NACC2: variants seen among roughly 807,000 people sequenced by gnomAD.
NACC2 encodes NACC family member 2.
NACC2 carries 8 observed loss-of-function variants against 25.1 expected under a neutral mutation model. That is an observed-to-expected ratio of 0.32 (90% CI 0.19 to 0.57). The LOEUF (loss-of-function observed/expected upper bound fraction) is 0.57. Among genes scored for constraint, NACC2 ranks in the 20% least tolerant of loss-of-function variants. The pLI, the probability that NACC2 is intolerant of heterozygous loss-of-function variation, is 0.89. For missense variants in NACC2, 644 were observed against 650.2 expected (o/e 0.99, Z 0.10); for synonymous variants, 435 against 294.7 (o/e 1.48, Z -4.88).
chr9:136,082,627 C>G (rs1830335698), intron 1 of NACC2, among the ~76,000 whole-genome samples: 1 of 151,772 alleles, frequency 6.6e-6, no homozygotes, highest in South Asian at 2.1e-4. Context: ...TGGAGACCCT[C>G]CACCCGCCAG....
At chr9:136,090,727 G>C (rs1830425547) in intron 1 of NACC2, among the ~76,000 whole-genome samples, 1 of 152,192 alleles carries the variant, frequency 6.6e-6, no homozygotes, top group Non-Finnish European at 1.5e-5. Context: ...CTTGAGGCAT[G>C]ACTATGCGGA....
chr9:136,049,146 G>A lies in NACC2; in HGVS notation c.886+490C>T, dbSNP rs893826729. Among the ~76,000 whole-genome samples, 45 of 152,356 alleles carry A rather than the reference G, an allele frequency of 3.0e-4. No homozygotes were observed. In the East Asian group the frequency reaches 7.1e-3, roughly 24 times the overall value. On this transcript the variant is annotated intron_variant, in intron 2 of 5. Coordinates refer to ENST00000277554, the MANE Select transcript of NACC2 (RefSeq NM_144653.5). ...GAAAGAAAGGAACGGAGAGGAGGGGGAGCGACTGCTCACTCGGCTCAGCAC... is the reference window on the plus strand; with the variant it reads ...GAAAGAAAGGAACGGAGAGGAGGGGAAGCGACTGCTCACTCGGCTCAGCAC...
chr9:136,087,993 G>A (rs7035807), intron 1 of NACC2, among the ~76,000 whole-genome samples: 6,401 of 141,620 alleles, frequency 0.045, 426 homozygotes, highest in African/African-American at 0.15. Context: ...GGGAAGTTCC[G>A]GGAGGTGACC....
intron 3 of NACC2, among the ~76,000 whole-genome samples, chr9:136,015,483 C>T (rs1043536229): frequency 1.3e-5 from 2 of 152,204 alleles, no homozygotes; most frequent in Admixed American, 6.5e-5. Flanking sequence ...AAGGCGAGGC[C>T]AGCCCAGGCA....
At chr9:136,039,416 T>C (rs1046217168) in intron 2 of NACC2, among the ~76,000 whole-genome samples, 1 of 152,134 alleles carries the variant, frequency 6.6e-6, no homozygotes, top group African/African-American at 2.4e-5. Context: ...GACAAGTTTA[T>C]CAAACACTTC....
intron 1 of NACC2, among the ~76,000 whole-genome samples, chr9:136,074,027 C>T (rs536947781): frequency 1.4e-4 from 22 of 152,186 alleles, no homozygotes; most frequent in South Asian, 1.0e-3. Context: ...AGATCTTGGC[C>T]GGGCACAGTG....
intron 2 of NACC2, among the ~76,000 whole-genome samples, chr9:136,027,307 TAG>T (rs1840407335): frequency 6.6e-6 from 1 of 152,016 alleles, no homozygotes; most frequent in African/African-American, 2.4e-5. Context: ...GGACAAATGA[TAG>T]AAAGAGATGT....
chr9:136,008,963 A>T lies in NACC2; in HGVS notation c.*2553T>A, dbSNP rs1021055943. The T allele has an allele frequency of 1.3e-5, 2 of 152,282 alleles. No homozygotes were observed. The highest frequency in any genetic ancestry group is 2.9e-5 in the Non-Finnish European group (2 of 68,074). The allele number at this position is 152,282 out of a possible 1,614,324, so 9.4% of individuals were successfully genotyped here. Reference sequence around the variant, plus strand: ...ACAAAACAGACGGCGATTACAAACGAGTGAGGAAGGGGCACGGGACATTGT... The same window carrying T: ...ACAAAACAGACGGCGATTACAAACGTGTGAGGAAGGGGCACGGGACATTGT... On this transcript the variant is annotated 3_prime_UTR_variant, in exon 6 of 6. Coordinates refer to ENST00000277554, the MANE Select transcript of NACC2 (RefSeq NM_144653.5).
intron 2 of NACC2, among the ~76,000 whole-genome samples, chr9:136,024,019 G>C (rs921419549): frequency 6.6e-6 from 1 of 152,248 alleles, no homozygotes; most frequent in East Asian, 1.9e-4. Flanking sequence ...TGTGCCAGCT[G>C]TGAGTTCCTC....
chr9:136,055,897 G>A lies in NACC2; in HGVS notation c.-59-5317C>T, dbSNP rs1479998481. On this transcript the variant is annotated intron_variant, in intron 1 of 5. Transcript: ENST00000277554. The surrounding 1 kb of genome is among the most constrained non-coding windows in gnomAD (Gnocchi z 4.9). ...GAAGGCGCTCCTGGAGCGTGAGAAG[G>A]TGTGGGGATGGGGCGGGCCTGCTGT... Among the ~76,000 whole-genome samples, 2 of 152,206 alleles carry A rather than the reference G, an allele frequency of 1.3e-5. No homozygotes were observed. Among genetic ancestry groups the A allele is most frequent in the African/African-American group, 4.8e-5 (2 of 41,458 alleles).
chr9:136,028,151 C>T (rs1217581601), intron 2 of NACC2, among the ~76,000 whole-genome samples: 1 of 150,076 alleles, frequency 6.7e-6, no homozygotes, highest in Non-Finnish European at 1.5e-5. Flanking sequence ...ATCCCAGCTA[C>T]TTGAGAGGCT....
chr9:136,042,296 T>C (rs1840645221), intron 2 of NACC2, among the ~76,000 whole-genome samples: 2 of 152,104 alleles, frequency 1.3e-5, no homozygotes, highest in Non-Finnish European at 2.9e-5. Flanking sequence ...CCCAAAACAA[T>C]TTTCAATAAG....
At chr9:136,066,627 A>AC (rs1198420733) in intron 1 of NACC2, among the ~76,000 whole-genome samples, 2 of 152,240 alleles carry the variant, frequency 1.3e-5, no homozygotes. Flanking sequence ...AGCAATTCCA[A>AC]CCCTAGGTAT....
At position 136,049,624 on chromosome 9, in the gene NACC2, C is replaced by G. The variant is rs1236376217; in HGVS notation, c.886+12G>C. 1 of 770,984 alleles carries G rather than the reference C, an allele frequency of 1.3e-6. No individual in the cohort carries two copies. Among genetic ancestry groups the G allele is most frequent in the African/African-American group, 1.7e-5 (1 of 58,490 alleles). 47.8% of individuals were successfully genotyped at this position (770,984 alleles called of 1,614,324 possible). A position where few individuals can be genotyped will look rare whatever the true frequency, so the allele number is the denominator to read the frequency against. The stretch of plus-strand genomic sequence containing the variant: ...CAGCCAGGTGGTGTGGGGCTCCACC[C>G]CGCCGCGTTACCTGCATAGCTGCCG... On this transcript the variant is annotated intron_variant, in intron 2 of 5. Transcript: ENST00000277554.
intron 1 of NACC2, among the ~76,000 whole-genome samples, chr9:136,094,307 C>G (rs1002147044): frequency 6.6e-6 from 1 of 152,200 alleles, no homozygotes; most frequent in South Asian, 2.1e-4. Flanking sequence ...GCCTCGCGGC[C>G]TTCAGACCCA....
At position 136,069,405 on chromosome 9, in the gene NACC2, C is replaced by T. The variant is rs1436266552; in HGVS notation, c.-59-18825G>A. ...CTCTACTAAAAATACAAAAATTAGC[C>T]GGGCGTGGTGGCAGGCACCTGTAAT... On this transcript the variant is annotated intron_variant, in intron 1 of 5. Transcript: ENST00000277554. Among the ~76,000 whole-genome samples the T allele has an allele frequency of 3.3e-5, 5 of 151,106 alleles. 2 individuals carry two copies. The highest frequency in any genetic ancestry group is 9.8e-5 in the African/African-American group (4 of 40,764).
At chr9:136,062,426 T>G (rs949927360) in intron 1 of NACC2, among the ~76,000 whole-genome samples, 2 of 152,028 alleles carry the variant, frequency 1.3e-5, no homozygotes, top group African/African-American at 4.8e-5. Flanking sequence ...GACAGTGAGG[T>G]TTTGGCCCGT....
chr9:136,070,615 G>GA (rs1841138553), intron 1 of NACC2, among the ~76,000 whole-genome samples: 1 of 147,334 alleles, frequency 6.8e-6, no homozygotes, highest in South Asian at 2.1e-4. Context: ...GGATGTATTA[G>GA]AAAAAAGGAA....
chr9:136,024,071 CAG>C (rs1840337247), intron 2 of NACC2, among the ~76,000 whole-genome samples: 1 of 150,842 alleles, frequency 6.6e-6, no homozygotes, highest in East Asian at 2.0e-4. Flanking sequence ...TGTGTGAGGC[CAG>C]AGTGTGAGTG....
Sources: gnomAD v4.1 joint callset for allele counts (sites outside exome capture counted in the v4.1 genomes callset) on GRCh38, gnomAD v4.1.1 for gene constraint, Gnocchi (gnomAD v3.1) non-coding constraint, MANE v1.5 for transcripts, NCBI Gene and HGNC (gene_info 2026-07-23, HGNC 2026-07-21) for gene names.